NUMA1: variants seen among roughly 807,000 people sequenced by gnomAD.
NUMA1 encodes the protein nuclear mitotic apparatus protein 1.
NUMA1 carries 62 observed loss-of-function variants against 237.1 expected under a neutral mutation model. The observed-to-expected ratio is 0.26, with a 90% CI of 0.21 to 0.32. NUMA1 has a LOEUF of 0.32. NUMA1 is among the 10% of genes least tolerant of loss of function. The probability of loss-of-function intolerance (pLI) is 1.00; values close to 1 mark genes in which losing one functional copy is unlikely to be tolerated. For missense variants in NUMA1, 2,533 were observed against 2,666.5 expected, an observed-to-expected ratio of 0.95 and a Z score of 1.10; for synonymous variants, 1,028 against 1,066.1, an observed-to-expected ratio of 0.96 and a Z score of 0.70.
Position 72,004,830 on chromosome 11 carries a change from A to AG in NUMA1, c.5830-15dup, listed in dbSNP as rs1191444616. On this transcript the variant is annotated splice_polypyrimidine_tract_variant and intron_variant, in intron 23 of 26. Coordinates refer to ENST00000393695, the MANE Select transcript of NUMA1 (RefSeq NM_006185.4). ...GCTCAGGGAAGGCTGCATGGGTGGA[A>AG]GAGGTGGTCAGTGGACCATAGCTGT... 1 of 1,554,384 alleles carries AG rather than the reference A, an allele frequency of 6.4e-7. No individual in the cohort carries two copies. The highest frequency in any genetic ancestry group is 8.7e-7 in the Non-Finnish European group (1 of 1,152,000).
chr11:72,003,241 T>C lies in NUMA1; in HGVS notation c.*286A>G, dbSNP rs1025985174. 5.1e-5 allele frequency: 25 copies of C among 486,244 alleles called. No individual in the cohort carries two copies. Among genetic ancestry groups the C allele is most frequent in the Non-Finnish European group, 5.2e-5 (14 of 268,368 alleles). 30.1% of individuals were successfully genotyped at this position (486,244 alleles called of 1,614,324 possible). ...AAGGACCCAGCCATCAAAACCAGCC[T>C]CAAATCTGGTTGTGATGGAGAAGTG... On this transcript the variant is annotated 3_prime_UTR_variant, in exon 27 of 27. Coordinates refer to ENST00000393695, the MANE Select transcript of NUMA1 (RefSeq NM_006185.4).
intron 3 of NUMA1, among the ~76,000 whole-genome samples, chr11:72,029,786 T>C (rs1036626971): frequency 1.3e-5 from 2 of 152,172 alleles, no homozygotes; most frequent in Admixed American, 6.5e-5. Flanking sequence ...GAAATATCTA[T>C]TCAAAACTTA....
intron 4 of NUMA1, among the ~76,000 whole-genome samples, chr11:72,027,964 C>T (rs1033010614): frequency 6.6e-6 from 1 of 152,194 alleles, no homozygotes; most frequent in Non-Finnish European, 1.5e-5. Context: ...GAAAATGGTA[C>T]TGTCTGGACC....
chr11:72,037,079 G>A (rs1478902489), intron 2 of NUMA1, among the ~76,000 whole-genome samples: 1 of 152,228 alleles, frequency 6.6e-6, no homozygotes, highest in African/African-American at 2.4e-5. Flanking sequence ...TTCTTGCCCA[G>A]AAGGTGCTCA....
At position 72,013,459 on chromosome 11, in the gene NUMA1, G is replaced by A. The variant is rs746525513; in HGVS notation, c.4044C>T (p.Leu1348=). 18 of 1,613,252 alleles carry A rather than the reference G, an allele frequency of 1.1e-5. No individual in the cohort carries two copies. Among genetic ancestry groups the A allele is most frequent in the Middle Eastern group, 1.6e-4 (1 of 6,084 alleles). Reference sequence around the variant, plus strand: ...CCAGGGCCTGTGTGCTGGTGTGCTCGAGCTGCAGGGTGGAGAGGGCCTGCT... The same window carrying A: ...CCAGGGCCTGTGTGCTGGTGTGCTCAAGCTGCAGGGTGGAGAGGGCCTGCT... The part of the protein sequence containing the change: ...QKEQALSTLQ[L]EHTSTQALVS... The change falls in exon 15 of 27, where the codon CTC becomes CTT. Residue 1348 remains leucine, a synonymous_variant. Transcript: ENST00000393695. This position sits in a 1 kb window ranked among gnomAD's most constrained non-coding sequence, Gnocchi z 6.8.
chr11:72,021,117 CA>C, intron 8 of NUMA1, 86 bp downstream of exon 8: 7 of 1,106,446 alleles, frequency 6.3e-6, no homozygotes, highest in Non-Finnish European at 9.6e-6. Flanking sequence ...GGGACAGAAA[CA>C]AACCCCCACC....
intron 1 of NUMA1, among the ~76,000 whole-genome samples, chr11:72,079,453 C>T (rs534430160): frequency 6.6e-4 from 101 of 151,888 alleles, no homozygotes; most frequent in African/African-American, 2.4e-3. Context: ...AGGCAGGGAA[C>T]TGTTTGAACC....
intron 10 of NUMA1, 99 bp downstream of exon 10, chr11:72,018,724 T>G: frequency 7.1e-7 from 1 of 1,416,784 alleles, no homozygotes. Flanking sequence ...AGGGCTGAGC[T>G]CTCAGCTCCA....
intron 7 of NUMA1, among the ~76,000 whole-genome samples, chr11:72,021,787 T>A (rs1012252634): frequency 2.0e-5 from 3 of 152,106 alleles, no homozygotes; most frequent in African/African-American, 7.2e-5. Flanking sequence ...TTAAAAAAAA[T>A]ATTTTTTGTT....
At chr11:72,080,198 C>G (rs1430462667) in intron 1 of NUMA1, 1 of 151,714 alleles carries the variant, frequency 6.6e-6, no homozygotes, top group Non-Finnish European at 1.5e-5. Context: ...GCCCTATACC[C>G]CCGACCCCAG....
At chr11:72,005,133 A>G (rs1240771866) in intron 23 of NUMA1, 100 bp downstream of exon 23, 2 of 1,313,584 alleles carry the variant, frequency 1.5e-6, no homozygotes, top group African/African-American at 3.0e-5. Context: ...CTCCTCGGCC[A>G]GTCAGTGATC....
intron 1 of NUMA1, among the ~76,000 whole-genome samples, chr11:72,073,004 G>A (rs535910882): frequency 2.5e-5 from 3 of 119,032 alleles, no homozygotes; most frequent in South Asian, 5.7e-4. Flanking sequence ...CCGAGATCGC[G>A]CCACTGCACT....
intron 21 of NUMA1, among the ~76,000 whole-genome samples, chr11:72,006,902 G>T (rs973669900): frequency 2.6e-5 from 4 of 152,240 alleles, no homozygotes; most frequent in East Asian, 1.9e-4. Context: ...CACAGGATGG[G>T]CTGCAGCTTC....
At position 72,005,367 on chromosome 11, in the gene NUMA1, T is replaced by C. The variant is rs1199502815; in HGVS notation, c.5695A>G (p.Arg1899Gly). ...CAAGTGCCCATGTAGAAGCTGTTCC[T>C]TCCTGTGGAAGGCAGGGAAGTGGGA... ...AGVSSGAPPG[R>G]NSFYMGTCQD... The change falls in exon 23 of 27, where the codon AGG (arginine) becomes GGG (glycine). Residue 1899 changes from arginine (R) to glycine (G), a missense_variant and splice_region_variant. By Grantham distance (125) the Arg-to-Gly change is moderately radical. Coordinates refer to ENST00000393695, the MANE Select transcript of NUMA1 (RefSeq NM_006185.4). 5.0e-6 allele frequency: 8 copies of C among 1,604,548 alleles called. No individual in the cohort carries two copies. The highest frequency in any genetic ancestry group is 6.8e-6 in the Non-Finnish European group (8 of 1,176,060).
At position 72,003,871 on chromosome 11, in the gene NUMA1, C is replaced by T. The variant is rs755941390; in HGVS notation, c.6336+16G>A. 1.2e-6 allele frequency: 2 copies of T among 1,612,760 alleles called. No homozygotes were observed. The highest frequency in any genetic ancestry group is 2.2e-5 in the East Asian group (1 of 44,886). ...TCTCATCGGGTTTCCCTCCCCCATC[C>T]TGCCAGTGCCTCTACCTTGCCCTTG... On this transcript the variant is annotated intron_variant, in intron 26 of 26. Coordinates refer to ENST00000393695, the MANE Select transcript of NUMA1 (RefSeq NM_006185.4).
chr11:72,070,784 G>T (rs181915911), intron 1 of NUMA1, among the ~76,000 whole-genome samples: 151 of 152,214 alleles, frequency 9.9e-4, no homozygotes, highest in African/African-American at 3.5e-3. Flanking sequence ...AAAACAAAAT[G>T]AATGATCCAG....
chr11:72,004,283 C>G lies in NUMA1; in HGVS notation c.6065G>C (p.Gly2022Ala). The G allele has an allele frequency of 6.2e-7, 1 of 1,613,508 alleles. No individual in the cohort carries two copies. Among genetic ancestry groups the G allele is most frequent in the Non-Finnish European group, 8.5e-7 (1 of 1,179,876 alleles). Residue 2022 changes from glycine to alanine, a missense_variant, in exon 25 of 27, where the codon GGG (glycine) becomes GCG (alanine). Gly to Ala is a moderately conservative substitution (Grantham distance 60). This residue lies in a region of NUMA1 where 795 missense variants were observed against 750.8 expected (regional missense o/e 1.06). Transcript: ENST00000393695. ...RPMTPRDRHE[G>A]RKQSTTEAQK... ...GGCCTCAGTAGTGCTCTGTTTGCGCCCTTCATGTCGGTCTCGGGGAGTCAT... is the reference window on the plus strand; with the variant it reads ...GGCCTCAGTAGTGCTCTGTTTGCGCGCTTCATGTCGGTCTCGGGGAGTCAT...
chr11:72,015,333 T>C lies in NUMA1; in HGVS notation c.2170A>G (p.Arg724Gly), dbSNP rs138657430. The C allele has an allele frequency of 6.5e-4, 1,056 of 1,613,448 alleles. No homozygotes were observed. Among genetic ancestry groups the C allele is most frequent in the Non-Finnish European group, 8.2e-4 (970 of 1,180,036 alleles). ...TKGSLEEEKRRAADALEEQQR... is the reference protein window; with the variant it reads ...TKGSLEEEKRGAADALEEQQR... Reference sequence around the variant, plus strand: ...TGCTCTTCCAGGGCATCTGCAGCCCTGCGCTTCTCCTCTTCAAGGCTGCCC... The same window carrying C: ...TGCTCTTCCAGGGCATCTGCAGCCCCGCGCTTCTCCTCTTCAAGGCTGCCC... The change falls in exon 15 of 27, where the codon AGG becomes GGG. Residue 724 changes from arginine to glycine, a missense_variant. By Grantham distance (125) the Arg-to-Gly change is moderately radical (BLOSUM62 -2). Transcript: ENST00000393695. This position sits in a 1 kb window ranked among gnomAD's most constrained non-coding sequence, Gnocchi z 4.0.
At chr11:72,026,582 T>C (rs1018265904) in intron 4 of NUMA1, among the ~76,000 whole-genome samples, 2 of 152,240 alleles carry the variant, frequency 1.3e-5, no homozygotes. Flanking sequence ...TGATCCCAGT[T>C]AATTTTCCCA....
Sources: gnomAD v4.1 joint callset for allele counts (sites outside exome capture counted in the v4.1 genomes callset) on GRCh38, gnomAD v4.1.1 for gene constraint, gnomAD v4.1.1 regional missense constraint, Gnocchi (gnomAD v3.1) non-coding constraint, MANE v1.5 for transcripts, NCBI Gene and HGNC (gene_info 2026-07-23, HGNC 2026-07-21) for gene names.